The following LYRM4 variants were observed in gnomAD, a reference collection of about 807,000 sequenced individuals.
LYRM4 encodes LYR motif containing 4.
Under a neutral mutation model 11.7 loss-of-function variants are expected in LYRM4, and 9 were observed. The ratio of observed to expected loss-of-function variants is 0.77; its 90% CI spans 0.46 to 1.34. The LOEUF is 1.34. Among genes scored for constraint, LYRM4 ranks in the 40% most tolerant of loss-of-function variants. The pLI, the probability that LYRM4 is intolerant of heterozygous loss-of-function variation, is 0.00. For synonymous variants in LYRM4, 42 were observed against 40.4 expected, an observed-to-expected ratio of 1.04 and a Z score of -0.15; for missense variants, 133 against 112.5, an observed-to-expected ratio of 1.18 and a Z score of -0.82.
the LYRM4 span, among the ~76,000 whole-genome samples, chr6:5,097,354 A>T: frequency 6.6e-6 from 1 of 150,698 alleles, no homozygotes; most frequent in African/African-American, 2.5e-5. Flanking sequence ...TAATATACCT[A>T]TATGTTTGAG....
chr6:5,086,660 G>A, the LYRM4 span: 17 of 1,029,568 alleles, frequency 1.7e-5, no homozygotes, highest in South Asian at 2.7e-4. Flanking sequence ...TGCTGAGCGT[G>A]GCGAGTCTGG....
At chr6:5,254,166 G>A (rs1764563879) in intron 1 of LYRM4, among the ~76,000 whole-genome samples, 1 of 152,156 alleles carries the variant, frequency 6.6e-6, no homozygotes, top group Non-Finnish European at 1.5e-5. Context: ...CAACAGAAAC[G>A]GCCCAACTGT....
chr6:5,084,267 CAATCCCTA>C, the LYRM4 span, among the ~76,000 whole-genome samples: 1 of 152,320 alleles, frequency 6.6e-6, no homozygotes, highest in South Asian at 2.1e-4. Flanking sequence ...GACGTTCCCC[CAATCCCTA>C]GGTACCACGA....
intron 2 of LYRM4, among the ~76,000 whole-genome samples, chr6:5,111,403 C>T (rs543630982): frequency 2.0e-5 from 3 of 152,112 alleles, no homozygotes; most frequent in Admixed American, 6.5e-5. Context: ...CAGAGTTTAC[C>T]GTCATCTTCT....
In LYRM4 at chr6:5,189,879, C is replaced by T. The variant is rs192599659; in HGVS notation, c.207+26739G>A. 3.4e-4 allele frequency among the ~76,000 whole-genome samples: 52 copies of T among 152,306 alleles called. 2 individuals carry two copies. Among genetic ancestry groups the T allele is most frequent in the Middle Eastern group, 6.8e-3 (2 of 292 alleles). ...CTGTGTTCAAGAAATCTTTATATAA[C>T]AGAGGTTGATCTGACACAAAGAATT... On this transcript the variant is annotated intron_variant, in intron 2 of 2. Transcript: ENST00000330636.
intron 1 of LYRM4, among the ~76,000 whole-genome samples, chr6:5,228,413 A>ACTACAGGTG (rs1763024242): frequency 6.6e-6 from 1 of 151,928 alleles, no homozygotes; most frequent in Non-Finnish European, 1.5e-5. Flanking sequence ...AGTAGCTGGG[A>ACTACAGGTG]CTACAGGTGC....
chr6:5,160,704 G>A (rs1758707488), intron 2 of LYRM4, among the ~76,000 whole-genome samples: 2 of 151,566 alleles, frequency 1.3e-5, no homozygotes, highest in South Asian at 4.2e-4. Flanking sequence ...CTTTTTCTTA[G>A]AAGTTACTCA....
At chr6:5,218,387 T>A in intron 1 of LYRM4, 1 of 985,068 alleles carries the variant, frequency 1.0e-6, no homozygotes, top group South Asian at 4.7e-5. Flanking sequence ...GGAGCTCATA[T>A]AACTTATTGG....
intron 2 of LYRM4, chr6:5,186,669 G>A (rs780545554): frequency 1.1e-5 from 11 of 985,248 alleles, no homozygotes; most frequent in African/African-American, 1.7e-5. Flanking sequence ...AGACAATGAA[G>A]TGAAATGTAA....
At chr6:5,183,019 C>G (rs1760167785) in intron 2 of LYRM4, among the ~76,000 whole-genome samples, 1 of 152,086 alleles carries the variant, frequency 6.6e-6, no homozygotes, top group South Asian at 2.1e-4. Flanking sequence ...AGTGAAAGTA[C>G]CTGGCACATT....
intron 1 of LYRM4, among the ~76,000 whole-genome samples, chr6:5,224,671 A>G (rs541229873): frequency 1.3e-5 from 2 of 152,362 alleles, no homozygotes; most frequent in Non-Finnish European, 2.9e-5. Context: ...TTAAAAACAG[A>G]TGTTTCAGCC....
At chr6:5,067,950 G>A in the LYRM4 span, among the ~76,000 whole-genome samples, 6 of 152,276 alleles carry the variant, frequency 3.9e-5, no homozygotes, top group East Asian at 1.2e-3. Flanking sequence ...GAAGATTGCA[G>A]GAATAAATTA....
At chr6:5,112,467 G>A (rs922076373) in intron 2 of LYRM4, among the ~76,000 whole-genome samples, 35 of 152,208 alleles carry the variant, frequency 2.3e-4, no homozygotes, top group African/African-American at 8.4e-4. Flanking sequence ...CAAGTGAAAG[G>A]CATACACAGA....
chr6:5,239,839 C>A (rs1763769623), intron 1 of LYRM4, among the ~76,000 whole-genome samples: 1 of 151,706 alleles, frequency 6.6e-6, no homozygotes. Context: ...TGGGTTTCTG[C>A]TCTATGAGGG....
the LYRM4 span, chr6:5,066,799 T>C: frequency 1.3e-6 from 1 of 744,052 alleles, no homozygotes; most frequent in Non-Finnish European, 2.4e-6. Flanking sequence ...AACACCCTCC[T>C]TGGTGAGTTC....
rs140012757 is a variant in LYRM4, at chr6:5,218,973, G to T, written c.87-2235C>A. ...TTGGCAATGATGGCAGCAAAGAGGG[G>T]ACAAAATAATTTAATTCTAATATTT... is the stretch of plus-strand genomic sequence containing the variant. On this transcript the variant is annotated intron_variant, in intron 1 of 2. Transcript: ENST00000330636. Among the ~76,000 whole-genome samples the T allele has an allele frequency of 2.1e-3, 321 of 152,308 alleles. 2 individuals carry two copies. Among genetic ancestry groups the T allele is most frequent in the African/African-American group, 7.3e-3 (305 of 41,572 alleles).
At chr6:5,085,166 A>C in the LYRM4 span, 1 of 378,650 alleles carries the variant, frequency 2.6e-6, no homozygotes. Flanking sequence ...AGCACTCGGG[A>C]ACACGGCTTC....
At chr6:5,141,207 C>T (rs945144970) in intron 2 of LYRM4, among the ~76,000 whole-genome samples, 5 of 152,194 alleles carry the variant, frequency 3.3e-5, no homozygotes, top group African/African-American at 1.2e-4. Context: ...TGGTATGTCT[C>T]AGGGTCCTCA....
At chr6:5,049,991 T>C in the LYRM4 span, among the ~76,000 whole-genome samples, 3 of 152,358 alleles carry the variant, frequency 2.0e-5, no homozygotes, top group Middle Eastern at 3.4e-3. Flanking sequence ...TCTTCTAGAA[T>C]ATGAAGGCAT....
Sources: allele counts gnomAD v4.1 joint callset (sites outside exome capture counted in the v4.1 genomes callset), GRCh38; gene constraint gnomAD v4.1.1; transcripts MANE v1.5; gene names NCBI Gene and HGNC (gene_info 2026-07-23, HGNC 2026-07-21).